Variants in GLE1 observed in about 807,000 individuals in gnomAD.
GLE1 encodes GLE1 RNA export mediator.
Under a neutral mutation model 97.3 loss-of-function variants are expected in GLE1, and 78 were observed. The ratio of observed to expected loss-of-function variants is 0.80; its 90% CI spans 0.67 to 0.97. The LOEUF is 0.97. Among genes scored for constraint, GLE1 ranks in the 50% least tolerant of loss-of-function variants. The pLI is 0.00. For synonymous variants in GLE1, 302 were observed against 313.4 expected, an observed-to-expected ratio of 0.96 and a Z score of 0.39; for missense variants, 753 against 857.5, an observed-to-expected ratio of 0.88 and a Z score of 1.52.
chr9:128,535,612 A>G (rs1201542260), intron 11 of GLE1, among the ~76,000 whole-genome samples: 2 of 151,366 alleles, frequency 1.3e-5, no homozygotes. Context: ...CCTGAGGTCA[A>G]TAGTTCAAGA....
At chr9:128,519,624 T>G (rs1847082635) in intron 3 of GLE1, among the ~76,000 whole-genome samples, 1 of 152,224 alleles carries the variant, frequency 6.6e-6, no homozygotes, top group Admixed American at 6.5e-5. Flanking sequence ...TGAAACTTCA[T>G]TAGCAATTTT....
intron 13 of GLE1, among the ~76,000 whole-genome samples, chr9:128,538,445 A>T (rs1001537953): frequency 6.6e-6 from 1 of 150,744 alleles, no homozygotes; most frequent in Non-Finnish European, 1.5e-5. Context: ...GGCGGATGAC[A>T]TGGGGTCAGG....
At chr9:128,540,093 A>G (rs1847840874) in intron 14 of GLE1, among the ~76,000 whole-genome samples, 182 bp from the exon 15 acceptor site, 1 of 152,154 alleles carries the variant, frequency 6.6e-6, no homozygotes, top group Non-Finnish European at 1.5e-5. Context: ...GCATGCATCT[A>G]TAGTCCCAGC....
At chr9:128,509,349 C>G (rs78342880) in intron 2 of GLE1, among the ~76,000 whole-genome samples, 2 of 143,294 alleles carry the variant, frequency 1.4e-5, no homozygotes, top group South Asian at 2.2e-4. Flanking sequence ...TTTTTTTTTT[C>G]TGATGAACGC....
intron 11 of GLE1, among the ~76,000 whole-genome samples, chr9:128,534,193 C>T (rs1413177950): frequency 3.3e-5 from 5 of 152,138 alleles, no homozygotes; most frequent in East Asian, 1.9e-4. Flanking sequence ...CATGGAGAAA[C>T]GCCATCTCTA....
intron 2 of GLE1, 146 bp from the exon 3 acceptor site, chr9:128,515,383 T>G (rs2132429454): frequency 3.1e-6 from 2 of 644,300 alleles, no homozygotes; most frequent in Non-Finnish European, 5.6e-6. Flanking sequence ...AAAAGCACAC[T>G]AGTTCTGACC....
chr9:128,533,975 C>G, intron 11 of GLE1, 24 bp downstream of exon 11: 1 of 1,422,768 alleles, frequency 7.0e-7, no homozygotes, highest in Non-Finnish European at 9.9e-7. Flanking sequence ...TCTCCCTACT[C>G]ACTATCCCTA....
chr9:128,532,616 C>G, intron 9 of GLE1: 31 of 504,626 alleles, frequency 6.1e-5, no homozygotes, highest in Non-Finnish European at 7.2e-5. Flanking sequence ...GTTCTTTTTT[C>G]CTCTCTCATC....
intron 13 of GLE1, 138 bp from the exon 14 acceptor site, chr9:128,539,478 T>C: frequency 1.4e-6 from 1 of 728,618 alleles, no homozygotes; most frequent in Non-Finnish European, 2.5e-6. Flanking sequence ...ATTTATTCCC[T>C]TGTTAGCAAG....
chr9:128,540,630 G>A, intron 15 of GLE1: 1 of 416,118 alleles, frequency 2.4e-6, no homozygotes, highest in Non-Finnish European at 4.4e-6. Flanking sequence ...GTTGGCCAAG[G>A]TTATTTTCTT....
chr9:128,508,981 A>G lies in GLE1; in HGVS notation c.205A>G (p.Thr69Ala). Residue 69 changes from threonine to alanine, a missense_variant, in exon 2 of 16, where the codon ACT becomes GCT. Coordinates refer to ENST00000309971, the MANE Select transcript of GLE1 (RefSeq NM_001003722.2). ...GCAGGAGAACCAACCTCTGTCTGAG[A>G]CTTCGCCATCCTCTACGTCAGCTTC... ...HMQENQPLSE[T>A]SPSSTSASAL... 1 of 1,612,032 alleles carries G rather than the reference A, an allele frequency of 6.2e-7. No individual in the cohort carries two copies. The highest frequency in any genetic ancestry group is 2.2e-5 in the East Asian group (1 of 44,856).
chr9:128,532,037 CTT>C (rs914370236), intron 9 of GLE1, among the ~76,000 whole-genome samples: 5 of 141,952 alleles, frequency 3.5e-5, no homozygotes, highest in Non-Finnish European at 3.1e-5. Context: ...ACATGGTTGG[CTT>C]TTTTTTTTTT....
Position 128,527,300 on chromosome 9 carries a change from G to A in GLE1, c.1242+9G>A, listed in dbSNP as rs2132473198. 2 of 1,495,512 alleles carry A rather than the reference G, an allele frequency of 1.3e-6. No individual in the cohort carries two copies. Among genetic ancestry groups the A allele is most frequent in the South Asian group, 1.1e-5 (1 of 88,800 alleles). The allele number at this position is 1,495,512 out of a possible 1,614,324, so 92.6% of individuals were successfully genotyped here. On this transcript the variant is annotated intron_variant, in intron 8 of 15. Coordinates refer to ENST00000309971, the MANE Select transcript of GLE1 (RefSeq NM_001003722.2). Reference sequence around the variant, plus strand: ...ACAGCAAGGACAGTCAGGTAGGGGAGAGGTATATGGCAGTAATTTTGTGGA... The same window carrying A: ...ACAGCAAGGACAGTCAGGTAGGGGAAAGGTATATGGCAGTAATTTTGTGGA...
chr9:128,533,921 A>T lies in GLE1; in HGVS notation c.1616A>T (p.Lys539Met), dbSNP rs866180637. Reference protein sequence around the residue: ...PYSVPFYPTFKEGMALEDYQR... With the variant: ...PYSVPFYPTFMEGMALEDYQR... ...TCTGTTCCTTTCTATCCCACTTTCA[A>T]GGAGGGAATGGCTTTGGAAGACTAT... The change falls in exon 11 of 16, where the codon AAG becomes ATG. Residue 539 changes from lysine (K) to methionine (M), a missense_variant. Transcript: ENST00000309971. The T allele has an allele frequency of 4.3e-6, 7 of 1,612,972 alleles. No individual in the cohort carries two copies. The Middle Eastern group carries it at 8.3e-4, about 190-fold the overall frequency.
chr9:128,514,816 G>A (rs182850115), intron 2 of GLE1, among the ~76,000 whole-genome samples: 279 of 151,678 alleles, frequency 1.8e-3, no homozygotes, highest in Non-Finnish European at 3.5e-3. Context: ...TGGGGAAAAA[G>A]GTGCCTGGCC....
chr9:128,540,233 G>A (rs1407494942), intron 14 of GLE1, 42 bp from the exon 15 acceptor site: 2 of 1,309,474 alleles, frequency 1.5e-6, no homozygotes, highest in Admixed American at 1.7e-5. Flanking sequence ...AAAGATAGGT[G>A]TATATCATAG....
chr9:128,536,837 A>G (rs773846344), intron 12 of GLE1: 21 of 275,978 alleles, frequency 7.6e-5, no homozygotes, highest in Non-Finnish European at 1.3e-4. Context: ...CTTACTTCAC[A>G]GATGGACAGA....
chr9:128,530,323 G>A (rs1272199718), intron 9 of GLE1, among the ~76,000 whole-genome samples: 1 of 152,092 alleles, frequency 6.6e-6, no homozygotes, highest in Non-Finnish European at 1.5e-5. Flanking sequence ...AGCCCTCTTT[G>A]TCTGCTGTTT....
At chr9:128,509,224 A>G in intron 2 of GLE1, 127 bp downstream of exon 2, 1 of 718,500 alleles carries the variant, frequency 1.4e-6, no homozygotes, top group East Asian at 2.6e-5. Flanking sequence ...GCTGTTGTAG[A>G]GACAATGTTG....
Sources: allele counts gnomAD v4.1 joint callset (sites outside exome capture counted in the v4.1 genomes callset), GRCh38; gene constraint gnomAD v4.1.1; transcripts MANE v1.5; gene names NCBI Gene and HGNC (gene_info 2026-07-23, HGNC 2026-07-21).